The following KHDRBS2 variants were observed in gnomAD, a reference collection of about 807,000 sequenced individuals.
KHDRBS2 encodes the protein KH RNA binding domain containing, signal transduction associated 2.
In KHDRBS2, 26 loss-of-function variants were observed where a neutral mutation model predicts 44.3. That is an observed-to-expected ratio of 0.59 (90% CI 0.43 to 0.81). The LOEUF is 0.81. KHDRBS2 is among the 40% of genes least tolerant of loss of function. KHDRBS2 has a pLI of 0.00. For synonymous variants in KHDRBS2, 194 were observed against 151.1 expected (o/e 1.28, Z -2.08); for missense variants, 476 against 433.1 (o/e 1.10, Z -0.88).
At chr6:61,623,610 A>G in the KHDRBS2 span, among the ~76,000 whole-genome samples, 1 of 152,318 alleles carries the variant, frequency 6.6e-6, no homozygotes, top group East Asian at 1.9e-4. Flanking sequence ...TTATTTTAAG[A>G]TGGAAATAAT....
At position 62,026,102 on chromosome 6, in the gene KHDRBS2, A is replaced by G. The variant is rs542865049; in HGVS notation, c.336+21776T>C. ...TACTTCAAGTTGGTTCCTGAGAACT[A>G]TAGGTTTAATTCTATTCTTAACTTC... On this transcript the variant is annotated intron_variant, in intron 3 of 8. Transcript: ENST00000281156. Among the ~76,000 whole-genome samples, 10 of 152,126 alleles carry G rather than the reference A, an allele frequency of 6.6e-5. No individual in the cohort carries two copies. The East Asian group carries it at 1.9e-3, about 29-fold the overall frequency.
chr6:62,102,982 T>C (rs1357577933), intron 2 of KHDRBS2, among the ~76,000 whole-genome samples: 1 of 152,200 alleles, frequency 6.6e-6, no homozygotes, highest in Non-Finnish European at 1.5e-5. Flanking sequence ...CCGAAGTGTG[T>C]ACCTCCCTTC....
At chr6:61,944,879 T>G (rs570788401) in intron 4 of KHDRBS2, among the ~76,000 whole-genome samples, 1 of 151,344 alleles carries the variant, frequency 6.6e-6, no homozygotes, top group South Asian at 2.1e-4. Context: ...TCACCTGAGA[T>G]CAGGAGCTCA....
At chr6:61,935,258 T>A (rs538096513) in intron 4 of KHDRBS2, among the ~76,000 whole-genome samples, 158 of 152,298 alleles carry the variant, frequency 1.0e-3, no homozygotes, top group African/African-American at 3.7e-3. Context: ...TATCAGTGAA[T>A]TTTGAATGAA....
At chr6:62,095,894 C>A (rs1800493127) in intron 2 of KHDRBS2, among the ~76,000 whole-genome samples, 1 of 151,784 alleles carries the variant, frequency 6.6e-6, no homozygotes, top group Non-Finnish European at 1.5e-5. Flanking sequence ...TGCATTCCTT[C>A]TATTACTAAC....
chr6:61,874,263 T>C (rs1215435151), intron 6 of KHDRBS2, among the ~76,000 whole-genome samples: 2 of 152,148 alleles, frequency 1.3e-5, no homozygotes, highest in Admixed American at 1.3e-4. Context: ...CAAAAATAAA[T>C]GCTGAGAATT....
At chr6:62,104,507 T>A (rs1802684131) in intron 2 of KHDRBS2, among the ~76,000 whole-genome samples, 1 of 152,156 alleles carries the variant, frequency 6.6e-6, no homozygotes, top group Non-Finnish European at 1.5e-5. Flanking sequence ...TCTTGATTAT[T>A]CCCAAATACT....
At chr6:61,622,998 G>T in the KHDRBS2 span, among the ~76,000 whole-genome samples, 37 of 152,040 alleles carry the variant, frequency 2.4e-4, no homozygotes, top group Non-Finnish European at 2.9e-5. Context: ...ATAATGATTG[G>T]CAGGATAGGA....
intron 8 of KHDRBS2, among the ~76,000 whole-genome samples, chr6:61,683,192 C>A (rs539663711): frequency 6.6e-6 from 1 of 151,684 alleles, no homozygotes; most frequent in Non-Finnish European, 1.5e-5. Context: ...CAATCATGAG[C>A]GGAGTGACAG....
At chr6:61,707,851 A>G (rs1769844652) in intron 7 of KHDRBS2, among the ~76,000 whole-genome samples, 1 of 151,732 alleles carries the variant, frequency 6.6e-6, no homozygotes, top group Non-Finnish European at 1.5e-5. Flanking sequence ...ATGGAAAACC[A>G]TGGGAAAGAT....
the KHDRBS2 span, among the ~76,000 whole-genome samples, chr6:61,548,403 A>G: frequency 6.6e-6 from 1 of 152,120 alleles, no homozygotes; most frequent in Non-Finnish European, 1.5e-5. Context: ...TCACCTGGGG[A>G]TCTTGTTAAA....
intron 1 of KHDRBS2, among the ~76,000 whole-genome samples, chr6:62,196,585 T>G (rs1371922938): frequency 1.9e-5 from 1 of 53,034 alleles, no homozygotes; most frequent in Non-Finnish European, 3.4e-5. Context: ...GGTCTATCCT[T>G]GGGAAGATGG....
At chr6:61,922,311 T>C (rs1054981247) in intron 4 of KHDRBS2, among the ~76,000 whole-genome samples, 1 of 152,062 alleles carries the variant, frequency 6.6e-6, no homozygotes, top group African/African-American at 2.4e-5. Context: ...TATGTCTTAT[T>C]GCCTTGAAAA....
intron 6 of KHDRBS2, among the ~76,000 whole-genome samples, chr6:61,755,343 T>A (rs115272446): frequency 0.025 from 3,774 of 152,226 alleles, 83 homozygotes; most frequent in Middle Eastern, 0.082. Context: ...ATAACTAGTT[T>A]GGGGAACCAC....
chr6:62,046,671 G>C (rs1486692011), intron 3 of KHDRBS2, among the ~76,000 whole-genome samples: 1 of 151,826 alleles, frequency 6.6e-6, no homozygotes, highest in Non-Finnish European at 1.5e-5. Flanking sequence ...TAAACTTGTG[G>C]CAGGACAAAA....
chr6:62,064,451 C>A lies in KHDRBS2; in HGVS notation c.220-16457G>T, dbSNP rs1334314391. 1.9e-4 allele frequency among the ~76,000 whole-genome samples: 28 copies of A among 147,082 alleles called. No homozygotes were observed. The East Asian group carries it at 5.4e-3, about 28-fold the overall frequency. On this transcript the variant is annotated intron_variant, in intron 2 of 8. Coordinates refer to ENST00000281156, the MANE Select transcript of KHDRBS2 (RefSeq NM_152688.4). ...AACAGAGATATAGATCAATGGAACA[C>A]AACAGAGCCCTCAGAAATAACGCCG...
chr6:61,691,283 T>A (rs1326727466), intron 8 of KHDRBS2, among the ~76,000 whole-genome samples: 1 of 152,128 alleles, frequency 6.6e-6, no homozygotes, highest in Admixed American at 6.6e-5. Context: ...ACTGCTCTTT[T>A]TCATTGTTTC....
Position 62,200,695 on chromosome 6 carries a change from G to C in KHDRBS2, c.92-23383C>G, listed in dbSNP as rs191064340. ...AGTGTGGTGATTCTTCAGGGATCTA[G>C]AACTAGAAATACCATTTGACGCAGC... On this transcript the variant is annotated intron_variant, in intron 1 of 8. Coordinates refer to ENST00000281156, the MANE Select transcript of KHDRBS2 (RefSeq NM_152688.4). 2.6e-5 allele frequency among the ~76,000 whole-genome samples: 4 copies of C among 152,272 alleles called. No individual in the cohort carries two copies. In the East Asian group the frequency reaches 7.8e-4, roughly 30 times the overall value.
the KHDRBS2 span, chr6:61,574,528 A>G: frequency 3.8e-5 from 23 of 603,650 alleles, no homozygotes; most frequent in Non-Finnish European, 6.1e-5. Context: ...TCGGAGTATA[A>G]CCCAACCTCC....
Sources: gnomAD v4.1 joint callset for allele counts (sites outside exome capture counted in the v4.1 genomes callset) on GRCh38, gnomAD v4.1.1 for gene constraint, MANE v1.5 for transcripts, NCBI Gene and HGNC (gene_info 2026-07-23, HGNC 2026-07-21) for gene names.